The following AIG1 variants were observed in gnomAD, a reference collection of about 807,000 sequenced individuals.
The protein encoded by AIG1 is androgen-induced gene 1 protein.
In AIG1, 23 loss-of-function variants were observed where a neutral mutation model predicts 31.4. That is an observed-to-expected ratio of 0.73 (90% confidence interval 0.53 to 1.04). The LOEUF (loss-of-function observed/expected upper bound fraction) is 1.04, where lower values mean the gene tolerates loss of function less well. AIG1 is among the 50% of genes least tolerant of loss of function. The probability of loss-of-function intolerance (pLI) is 0.00; values close to 1 mark genes in which losing one functional copy is unlikely to be tolerated. For missense variants in AIG1, 274 were observed against 295.0 expected, an observed-to-expected ratio of 0.93 and a Z score of 0.52; for synonymous variants, 100 against 110.5, an observed-to-expected ratio of 0.90 and a Z score of 0.60.
At chr6:143,233,208 G>A (rs1393110910) in intron 3 of AIG1, among the ~76,000 whole-genome samples, 1 of 152,106 alleles carries the variant, frequency 6.6e-6, no homozygotes, top group Non-Finnish European at 1.5e-5. Context: ...CATCACCTTG[G>A]GGGCACGGAC....
intron 3 of AIG1, among the ~76,000 whole-genome samples, chr6:143,202,263 T>C (rs1790753313): frequency 6.6e-6 from 1 of 152,186 alleles, no homozygotes; most frequent in African/African-American, 2.4e-5. Flanking sequence ...GGCCTGCCTT[T>C]TAAAATTCTA....
intron 3 of AIG1, chr6:143,189,862 T>C (rs1463599936): frequency 4.3e-6 from 4 of 927,472 alleles, no homozygotes; most frequent in South Asian, 5.0e-5. Context: ...AATAGCACAA[T>C]TGGGTGGCTT....
chr6:143,212,994 C>CTTGTGGTTG (rs1791708347), intron 3 of AIG1, among the ~76,000 whole-genome samples: 1 of 152,182 alleles, frequency 6.6e-6, no homozygotes, highest in Non-Finnish European at 1.5e-5. Context: ...ACAATGCAGA[C>CTTGTGGTTG]ATCTCTGGAT....
intron 3 of AIG1, among the ~76,000 whole-genome samples, chr6:143,270,433 C>T (rs1240109173): frequency 1.3e-5 from 2 of 152,242 alleles, no homozygotes; most frequent in South Asian, 2.1e-4. Context: ...CTACTGTCTT[C>T]CCACCCACGC....
intron 4 of AIG1, among the ~76,000 whole-genome samples, chr6:143,294,566 T>A (rs1798293228): frequency 6.6e-6 from 1 of 152,206 alleles, no homozygotes; most frequent in Non-Finnish European, 1.5e-5. Flanking sequence ...CTAATACTAC[T>A]CTTTAGTATA....
chr6:143,259,476 C>A (rs1795596298), intron 3 of AIG1, among the ~76,000 whole-genome samples: 1 of 152,122 alleles, frequency 6.6e-6, no homozygotes, highest in South Asian at 2.1e-4. Context: ...TGCCATCTAG[C>A]CATTAAACAT....
intron 3 of AIG1, among the ~76,000 whole-genome samples, chr6:143,257,849 A>G (rs1753645893): frequency 6.6e-6 from 1 of 152,190 alleles, no homozygotes; most frequent in East Asian, 1.9e-4. Flanking sequence ...ACTTTTTTCA[A>G]TACTATATGT....
chr6:143,319,984 T>G (rs898844355), intron 4 of AIG1, among the ~76,000 whole-genome samples: 12 of 151,694 alleles, frequency 7.9e-5, no homozygotes, highest in African/African-American at 2.7e-4. Flanking sequence ...AGAATAAATA[T>G]CCAAAATCTA....
intron 3 of AIG1, among the ~76,000 whole-genome samples, chr6:143,245,822 A>G (rs1794580167): frequency 6.6e-6 from 1 of 152,140 alleles, no homozygotes. Context: ...CAGCAGAGGT[A>G]TTTTATGAGG....
At chr6:143,295,829 C>T (rs1014301591) in intron 4 of AIG1, among the ~76,000 whole-genome samples, 21 of 152,136 alleles carry the variant, frequency 1.4e-4, no homozygotes, top group African/African-American at 4.8e-4. Flanking sequence ...AGTCCCCTCC[C>T]TTCACTATCT....
At chr6:143,121,645 T>C (rs1782252694) in intron 1 of AIG1, among the ~76,000 whole-genome samples, 1 of 152,216 alleles carries the variant, frequency 6.6e-6, no homozygotes, top group Non-Finnish European at 1.5e-5. Flanking sequence ...CTCTGACAAC[T>C]GGTAGAAGGG....
chr6:143,295,129 A>G (rs566236697), intron 4 of AIG1, among the ~76,000 whole-genome samples: 1 of 152,214 alleles, frequency 6.6e-6, no homozygotes, highest in Non-Finnish European at 1.5e-5. Flanking sequence ...CTGGAAATCT[A>G]TGAGACATCC....
intron 3 of AIG1, among the ~76,000 whole-genome samples, chr6:143,204,274 T>G (rs527535442): frequency 6.6e-6 from 1 of 152,154 alleles, no homozygotes; most frequent in African/African-American, 2.4e-5. Context: ...GGTGACTCTG[T>G]GGTCTTTGGC....
intron 3 of AIG1, among the ~76,000 whole-genome samples, chr6:143,217,698 A>G (rs1486875346): frequency 6.6e-6 from 1 of 152,070 alleles, no homozygotes; most frequent in Non-Finnish European, 1.5e-5. Context: ...TAGTAGAGAC[A>G]GGGTCTCACC....
chr6:143,234,432 C>G (rs9484712), intron 3 of AIG1, among the ~76,000 whole-genome samples: 1 of 152,124 alleles, frequency 6.6e-6, no homozygotes, highest in African/African-American at 2.4e-5. Flanking sequence ...TAAGGGAGTT[C>G]CCCAAAGAAA....
At chr6:143,232,670 G>T (rs1793525906) in intron 3 of AIG1, among the ~76,000 whole-genome samples, 1 of 152,136 alleles carries the variant, frequency 6.6e-6, no homozygotes, top group Admixed American at 6.5e-5. Context: ...ACCATAACCT[G>T]CTAATAACTG....
chr6:143,105,676 T>C (rs949355643), intron 1 of AIG1, among the ~76,000 whole-genome samples: 1 of 152,252 alleles, frequency 6.6e-6, no homozygotes, highest in African/African-American at 2.4e-5. Flanking sequence ...AACTTGTCTT[T>C]TGGACACTTT....
rs1788216998 is a variant in AIG1, at chr6:143,176,864, A to G, written c.399+11681A>G. ...CTGCAGCGGCAATCCGCCTCCTTCA[A>G]AGGGTCTGTGGTTTCTCTTGGCTTT... On this transcript the variant is annotated intron_variant, in intron 3 of 5. Coordinates refer to ENST00000357847, the MANE Select transcript of AIG1 (RefSeq NM_016108.4). Among the ~76,000 whole-genome samples the G allele has an allele frequency of 2.0e-5, 3 of 152,140 alleles. No individual in the cohort carries two copies. In the South Asian group the frequency reaches 6.2e-4, roughly 32 times the overall value.
intron 4 of AIG1, among the ~76,000 whole-genome samples, chr6:143,307,919 C>T (rs1471511198): frequency 1.3e-5 from 2 of 152,228 alleles, no homozygotes; most frequent in Non-Finnish European, 2.9e-5. Context: ...GGCGGGCGCC[C>T]CTCCCCCAGC....
Sources: allele counts gnomAD v4.1 joint callset (sites outside exome capture counted in the v4.1 genomes callset), GRCh38; gene constraint gnomAD v4.1.1; transcripts MANE v1.5; gene names NCBI Gene and HGNC (gene_info 2026-07-23, HGNC 2026-07-21).